Variants in NAV3 observed in about 807,000 individuals in gnomAD.
The protein encoded by NAV3 is neuron navigator 3.
Under a neutral mutation model 244.7 loss-of-function variants are expected in NAV3, and 87 were observed. The ratio of observed to expected loss-of-function variants is 0.36; its 90% CI spans 0.30 to 0.42. The LOEUF (loss-of-function observed/expected upper bound fraction) is 0.42. Ranked by LOEUF, NAV3 falls within the 20% of genes least tolerant of loss-of-function variation. The probability of loss-of-function intolerance (pLI) is 1.00; values close to 1 mark genes in which losing one functional copy is unlikely to be tolerated. For missense variants in NAV3, 2,663 were observed against 2,893.3 expected, an observed-to-expected ratio of 0.92 and a Z score of 1.83; for synonymous variants, 1,126 against 1,042.2, an observed-to-expected ratio of 1.08 and a Z score of -1.55.
chr12:78,037,922 C>T (rs59908096), intron 9 of NAV3, among the ~76,000 whole-genome samples: 6,400 of 152,170 alleles, frequency 0.042, 441 homozygotes, highest in African/African-American at 0.14. Context: ...ATACAGGGGC[C>T]GCTGCTGGCT....
At chr12:78,186,633 A>G (rs890846817) in intron 31 of NAV3, among the ~76,000 whole-genome samples, 1 of 151,798 alleles carries the variant, frequency 6.6e-6, no homozygotes, top group Non-Finnish European at 1.5e-5. Context: ...CACACTGAAA[A>G]ATAAGATTTC....
intron 2 of NAV3, among the ~76,000 whole-genome samples, chr12:77,595,144 T>C (rs1044693386): frequency 6.6e-6 from 1 of 152,100 alleles, no homozygotes; most frequent in Non-Finnish European, 1.5e-5. Flanking sequence ...AGCCAAGATA[T>C]GGAAATAACC....
At chr12:78,032,245 T>C (rs1879126680) in intron 9 of NAV3, among the ~76,000 whole-genome samples, 1 of 152,212 alleles carries the variant, frequency 6.6e-6, no homozygotes, top group Non-Finnish European at 1.5e-5. Flanking sequence ...TGGTTCACAT[T>C]GCAATGCAGA....
chr12:78,007,580 C>A, intron 8 of NAV3, 135 bp downstream of exon 8: 2 of 949,378 alleles, frequency 2.1e-6, no homozygotes, highest in East Asian at 2.7e-5. Flanking sequence ...AAGATAGAGG[C>A]CTAGAATTCA....
chr12:77,935,139 C>G (rs1889200573), intron 1 of NAV3, among the ~76,000 whole-genome samples: 1 of 151,932 alleles, frequency 6.6e-6, no homozygotes, highest in Admixed American at 6.6e-5. Flanking sequence ...AAAATACTAA[C>G]CAAATGCTAA....
intron 2 of NAV3, among the ~76,000 whole-genome samples, chr12:77,676,654 G>A (rs570387248): frequency 6.6e-6 from 1 of 151,882 alleles, no homozygotes. Context: ...ACATGTGCCA[G>A]GGTGATTTGC....
intron 3 of NAV3, 84 bp from the exon 4 acceptor site, chr12:77,966,145 C>T (rs1165458705): frequency 1.2e-5 from 13 of 1,103,444 alleles, no homozygotes; most frequent in East Asian, 2.4e-5. Context: ...CATTCTTTAT[C>T]GTTCTTTCTG....
chr12:77,775,956 A>G (rs1870332946), intron 2 of NAV3: 2 of 152,194 alleles, frequency 1.3e-5, no homozygotes, highest in Non-Finnish European at 2.9e-5. Context: ...AAGAAAGAAC[A>G]TTTTATCTTC....
chr12:78,129,099 T>C (rs1360251520), intron 18 of NAV3, among the ~76,000 whole-genome samples: 2 of 152,198 alleles, frequency 1.3e-5, no homozygotes, highest in Non-Finnish European at 2.9e-5. Context: ...GTGGTTGTTT[T>C]CTAGTCTAGG....
chr12:77,598,067 G>A (rs1363034278), intron 2 of NAV3, among the ~76,000 whole-genome samples: 1 of 151,940 alleles, frequency 6.6e-6, no homozygotes, highest in East Asian at 1.9e-4. Flanking sequence ...ACTATCCTAG[G>A]AATAGTTTAA....
At chr12:77,767,835 C>A (rs2135864012) in intron 2 of NAV3, among the ~76,000 whole-genome samples, 1 of 152,326 alleles carries the variant, frequency 6.6e-6, no homozygotes, top group Non-Finnish European at 1.5e-5. Context: ...CCATTGCCTG[C>A]AATGCAGTGA....
At chr12:78,177,338 C>T in intron 27 of NAV3, 25 bp downstream of exon 27, 1 of 1,592,932 alleles carries the variant, frequency 6.3e-7, no homozygotes. Context: ...CTGCAAAATG[C>T]AGACATATTT....
chr12:78,120,500 A>G (rs151184672), intron 15 of NAV3, among the ~76,000 whole-genome samples: 126 of 152,292 alleles, frequency 8.3e-4, no homozygotes, highest in African/African-American at 2.8e-3. Context: ...ATTTGAAACT[A>G]TTCCAGTGTT....
chr12:77,722,200 A>G (rs1452124246), intron 2 of NAV3, among the ~76,000 whole-genome samples: 2 of 152,112 alleles, frequency 1.3e-5, no homozygotes, highest in South Asian at 2.1e-4. Flanking sequence ...AAGGAAAGGT[A>G]TAAAAATGAA....
chr12:77,632,112 T>A (rs9788021), intron 2 of NAV3, among the ~76,000 whole-genome samples: 43,138 of 152,016 alleles, frequency 0.28, 7,842 homozygotes, highest in African/African-American at 0.5. Flanking sequence ...TATCCTACTC[T>A]TTCCATTGAG....
At chr12:77,798,589 G>A (rs569034808) in intron 2 of NAV3, among the ~76,000 whole-genome samples, 42 of 152,012 alleles carry the variant, frequency 2.8e-4, no homozygotes, top group Non-Finnish European at 4.9e-4. Context: ...CTGTTGTGAG[G>A]ACTAAATGAA....
intron 2 of NAV3, among the ~76,000 whole-genome samples, chr12:77,667,035 G>T (rs563902375): frequency 1.7e-4 from 26 of 152,262 alleles, no homozygotes; most frequent in African/African-American, 5.5e-4. Flanking sequence ...GTCCAAATCC[G>T]AAGAATACAT....
intron 2 of NAV3, among the ~76,000 whole-genome samples, chr12:77,765,846 A>C (rs1869722377): frequency 6.6e-6 from 1 of 152,182 alleles, no homozygotes; most frequent in South Asian, 2.1e-4. Context: ...GAAGAGGGAC[A>C]AGCAAGATAA....
chr12:77,792,254 G>T (rs1249955099), intron 2 of NAV3, among the ~76,000 whole-genome samples: 1 of 152,128 alleles, frequency 6.6e-6, no homozygotes, highest in African/African-American at 2.4e-5. Flanking sequence ...ACAAACTCAG[G>T]TGGGCAAGAA....
Sources: gnomAD v4.1 joint callset for allele counts (sites outside exome capture counted in the v4.1 genomes callset) on GRCh38, gnomAD v4.1.1 for gene constraint, MANE v1.5 for transcripts, NCBI Gene and HGNC (gene_info 2026-07-23, HGNC 2026-07-21) for gene names.